The following ANO4 variants were observed in gnomAD, a reference collection of about 807,000 sequenced individuals.
The protein encoded by ANO4 is anoctamin-4.
A neutral mutation model predicts 141.9 loss-of-function variants in ANO4; 69 were observed. The observed-to-expected ratio is 0.49, with a 90% CI of 0.40 to 0.59. The LOEUF (loss-of-function observed/expected upper bound fraction) is 0.59. Ranked by LOEUF, ANO4 falls within the 20% of genes least tolerant of loss-of-function variation. ANO4 has a pLI of 0.00. For missense variants in ANO4, 894 were observed against 1,162.2 expected (o/e 0.77, Z 3.36); for synonymous variants, 350 against 394.3 (o/e 0.89, Z 1.33).
At chr12:100,759,058 T>A (rs996634547) in intron 3 of ANO4, among the ~76,000 whole-genome samples, 1 of 152,158 alleles carries the variant, frequency 6.6e-6, no homozygotes, top group East Asian at 1.9e-4. Context: ...CAGATGGGCA[T>A]ATATTTTGGG....
intron 3 of ANO4, among the ~76,000 whole-genome samples, chr12:100,932,113 T>C (rs974076215): frequency 6.6e-6 from 1 of 151,898 alleles, no homozygotes; most frequent in African/African-American, 2.4e-5. Flanking sequence ...CTCTAGAGAA[T>C]GAATATAGAT....
At chr12:101,030,570 TAG>T (rs2046933999) in intron 9 of ANO4, among the ~76,000 whole-genome samples, 1 of 151,958 alleles carries the variant, frequency 6.6e-6, no homozygotes, top group Non-Finnish European at 1.5e-5. Flanking sequence ...TTAAAAGAGC[TAG>T]AGAGGCAAGA....
At chr12:100,826,380 G>A (rs1228192997) in intron 1 of ANO4, among the ~76,000 whole-genome samples, 1 of 152,070 alleles carries the variant, frequency 6.6e-6, no homozygotes. Context: ...TTTGATGGAT[G>A]CAGCTAACAA....
chr12:101,125,551 T>C (rs1331028249), intron 26 of ANO4, among the ~76,000 whole-genome samples: 1 of 152,178 alleles, frequency 6.6e-6, no homozygotes, highest in Admixed American at 6.5e-5. Context: ...GTGCCGGTTT[T>C]TAAGGGGAAT....
chr12:100,876,296 A>AC (rs2039304614), intron 1 of ANO4, among the ~76,000 whole-genome samples: 2 of 150,372 alleles, frequency 1.3e-5, no homozygotes, highest in African/African-American at 4.9e-5. Context: ...AAAAAAAAAA[A>AC]CAGTGGGAAT....
intron 14 of ANO4, among the ~76,000 whole-genome samples, chr12:101,054,942 T>C (rs950237748): frequency 2.6e-4 from 40 of 152,366 alleles, no homozygotes; most frequent in African/African-American, 9.1e-4. Flanking sequence ...GTCTGGCTAC[T>C]TTCACTTCAG....
At chr12:100,779,063 CAAA>C (rs1023400025) in intron 3 of ANO4, among the ~76,000 whole-genome samples, 1 of 150,236 alleles carries the variant, frequency 6.7e-6, no homozygotes, top group Non-Finnish European at 1.5e-5. Flanking sequence ...AAAAAAAAAA[CAAA>C]AAACAAAAAA....
At chr12:100,751,686 A>G (rs1050270532) in intron 3 of ANO4, among the ~76,000 whole-genome samples, 2 of 151,984 alleles carry the variant, frequency 1.3e-5, no homozygotes, top group African/African-American at 4.8e-5. Context: ...TGCTGGGTGT[A>G]CTGGAGTGAC....
intron 22 of ANO4, among the ~76,000 whole-genome samples, chr12:101,107,680 A>G (rs2050503136): frequency 6.6e-6 from 1 of 152,142 alleles, no homozygotes; most frequent in Non-Finnish European, 1.5e-5. Flanking sequence ...GAGTCAATTT[A>G]TTGAGATCCT....
chr12:101,048,067 G>T (rs1863348092), intron 13 of ANO4: 2 of 1,188,506 alleles, frequency 1.7e-6, no homozygotes, highest in Non-Finnish European at 2.1e-6. Flanking sequence ...TGCACAAAAG[G>T]GGATTCTTAG....
Position 100,853,802 on chromosome 12 carries a change from A to T in ANO4, c.-140-47844A>T, listed in dbSNP as rs146738414. 5.2e-3 allele frequency among the ~76,000 whole-genome samples: 797 copies of T among 152,280 alleles called. 10 individuals carry two copies. The highest frequency in any genetic ancestry group is 0.018 in the African/African-American group (754 of 41,568). ...CTCTGTCCTCTTCCCAAATAACGCA[A>T]GGATCTAAATACCATTTAACTACAA... is the stretch of plus-strand genomic sequence containing the variant. On this transcript the variant is annotated intron_variant, in intron 1 of 27. Coordinates refer to ENST00000392977, the MANE Select transcript of ANO4 (RefSeq NM_001286615.2).
intron 22 of ANO4, among the ~76,000 whole-genome samples, chr12:101,103,805 A>C (rs1342249818): frequency 1.3e-5 from 2 of 151,882 alleles, no homozygotes; most frequent in Non-Finnish European, 2.9e-5. Flanking sequence ...GATTACTATT[A>C]TTTCTTTCTT....
intron 1 of ANO4, among the ~76,000 whole-genome samples, chr12:100,884,981 C>T (rs1411325243): frequency 6.6e-6 from 1 of 152,200 alleles, no homozygotes; most frequent in African/African-American, 2.4e-5. Context: ...AGGCATGAGC[C>T]ACCATACCCA....
At chr12:101,103,215 A>T (rs2050275622) in intron 22 of ANO4, among the ~76,000 whole-genome samples, 3 of 85,098 alleles carry the variant, frequency 3.5e-5, no homozygotes, top group East Asian at 6.2e-4. Flanking sequence ...ATATATATAT[A>T]TATATATATA....
At chr12:101,012,623 A>G (rs2046143548) in intron 8 of ANO4, among the ~76,000 whole-genome samples, 1 of 152,182 alleles carries the variant, frequency 6.6e-6, no homozygotes, top group East Asian at 1.9e-4. Flanking sequence ...TATGGGCAGG[A>G]ACCATGAAGG....
At chr12:100,797,762 T>G (rs2034424366) in intron 1 of ANO4, among the ~76,000 whole-genome samples, 1 of 152,180 alleles carries the variant, frequency 6.6e-6, no homozygotes, top group Non-Finnish European at 1.5e-5. Context: ...CAAGTCTCCC[T>G]TTTAAAGTCC....
Position 100,942,434 on chromosome 12 carries a change from A to G in ANO4, c.355A>G (p.Ile119Val). Residue 119 changes from isoleucine to valine, a missense_variant, in exon 5 of 28, where the codon ATT becomes GTT. By Grantham distance (29) the Ile-to-Val change is conservative. Transcript: ENST00000392977. ...TTACTTTCGAGATGGAAAGTGTCGA[A>G]TTGACTACATCCTTGTGTACAGAAA... is the stretch of plus-strand genomic sequence containing the variant. ...GLYFRDGKCRIDYILVYRKSN... is the reference protein window; with the variant it reads ...GLYFRDGKCRVDYILVYRKSN... 1 of 1,614,154 alleles carries G rather than the reference A, an allele frequency of 6.2e-7. No homozygotes were observed. The highest frequency in any genetic ancestry group is 8.5e-7 in the Non-Finnish European group (1 of 1,180,000).
intron 1 of ANO4, among the ~76,000 whole-genome samples, chr12:100,868,102 T>G (rs1389618537): frequency 6.6e-6 from 1 of 152,126 alleles, no homozygotes; most frequent in Non-Finnish European, 1.5e-5. Flanking sequence ...GAGAGCAACT[T>G]AAGTCTAGAC....
chr12:101,124,848 G>A (rs1290624606), intron 26 of ANO4, among the ~76,000 whole-genome samples: 1 of 152,138 alleles, frequency 6.6e-6, no homozygotes, highest in Admixed American at 6.5e-5. Context: ...TTTTGTACTA[G>A]TACCATGCTG....
Sources: allele counts gnomAD v4.1 joint callset (sites outside exome capture counted in the v4.1 genomes callset), GRCh38; gene constraint gnomAD v4.1.1; transcripts MANE v1.5; gene names NCBI Gene and HGNC (gene_info 2026-07-23, HGNC 2026-07-21).